CSMD1: variants seen among roughly 807,000 people sequenced by gnomAD.
CSMD1 encodes the protein CUB and Sushi multiple domains 1.
In CSMD1, 213 loss-of-function variants were observed where a neutral mutation model predicts 417.5. That is an observed-to-expected ratio of 0.51 (90% confidence interval 0.46 to 0.57). The LOEUF is 0.57. Ranked by LOEUF, CSMD1 falls within the 20% of genes least tolerant of loss-of-function variation. CSMD1 has a pLI of 0.00. For synonymous variants in CSMD1, 2,862 were observed against 1,736.8 expected, an observed-to-expected ratio of 1.65 and a Z score of -16.11; for missense variants, 6,923 against 4,529.7, an observed-to-expected ratio of 1.53 and a Z score of -15.17.
At chr8:3,339,590 T>C (rs117441604) in intron 23 of CSMD1, among the ~76,000 whole-genome samples, 1 of 152,322 alleles carries the variant, frequency 6.6e-6, no homozygotes, top group South Asian at 2.1e-4. Context: ...CCGGAAACCC[T>C]ATGTCAATAT....
chr8:3,442,294 T>C (rs1197433036), intron 12 of CSMD1, among the ~76,000 whole-genome samples: 2 of 152,142 alleles, frequency 1.3e-5, no homozygotes, highest in African/African-American at 4.8e-5. Context: ...GTAGCCTAAG[T>C]TCACAGTGTT....
Position 3,046,797 on chromosome 8 carries a change from T to C in CSMD1, c.7660+5665A>G, listed in dbSNP as rs545047966. ...CATCTGTGTGCTCACATATGGCAAATTCTTTGATACCTCAAGTTATTTTCT... is the reference window on the plus strand; with the variant it reads ...CATCTGTGTGCTCACATATGGCAAACTCTTTGATACCTCAAGTTATTTTCT... On this transcript the variant is annotated intron_variant, in intron 50 of 69. Coordinates refer to ENST00000635120, the MANE Select transcript of CSMD1 (RefSeq NM_033225.6). Among the ~76,000 whole-genome samples the C allele has an allele frequency of 3.3e-4, 51 of 152,350 alleles. 1 individual carries two copies. Among genetic ancestry groups the C allele is most frequent in the African/African-American group, 1.1e-3 (46 of 41,586 alleles).
chr8:3,898,029 G>A (rs1215930542), intron 5 of CSMD1, among the ~76,000 whole-genome samples: 1 of 152,172 alleles, frequency 6.6e-6, no homozygotes, highest in African/African-American at 2.4e-5. Context: ...GTTTGACAAT[G>A]CTATTCTTAC....
intron 3 of CSMD1, among the ~76,000 whole-genome samples, chr8:4,163,096 C>G (rs1487874683): frequency 6.6e-6 from 1 of 152,146 alleles, no homozygotes; most frequent in Non-Finnish European, 1.5e-5. Context: ...GAATAATATT[C>G]CATTGTCTGA....
At chr8:4,115,908 T>C (rs1281630248) in intron 3 of CSMD1, among the ~76,000 whole-genome samples, 1 of 152,058 alleles carries the variant, frequency 6.6e-6, no homozygotes. Context: ...AGATCAGTGG[T>C]TGCCAGTGAC....
At chr8:4,619,314 C>A (rs1209110667) in intron 2 of CSMD1, among the ~76,000 whole-genome samples, 2 of 152,142 alleles carry the variant, frequency 1.3e-5, no homozygotes, top group Non-Finnish European at 2.9e-5. Context: ...TAGCCTTCTC[C>A]AAATAAACAT....
chr8:3,503,107 C>A (rs1796676592), intron 10 of CSMD1, among the ~76,000 whole-genome samples: 1 of 152,066 alleles, frequency 6.6e-6, no homozygotes, highest in South Asian at 2.1e-4. Context: ...TATCTGTATG[C>A]AACACATACC....
intron 18 of CSMD1, among the ~76,000 whole-genome samples, chr8:3,385,083 T>G (rs552960415): frequency 3.3e-3 from 345 of 105,678 alleles, no homozygotes; most frequent in Non-Finnish European, 4.9e-3. Context: ...TATATATAAT[T>G]TATATATAAA....
intron 5 of CSMD1, among the ~76,000 whole-genome samples, chr8:3,908,368 T>C (rs1458115383): frequency 1.3e-5 from 2 of 152,234 alleles, no homozygotes; most frequent in Non-Finnish European, 2.9e-5. Flanking sequence ...TCATTATGGA[T>C]ACATTTTCCC....
intron 26 of CSMD1, chr8:3,278,622 C>CAACACAAT (rs1214857710): frequency 1.3e-5 from 2 of 151,128 alleles, no homozygotes; most frequent in Non-Finnish European, 2.9e-5. Context: ...TTATGAATCA[C>CAACACAAT]AACACAATCT....
chr8:3,600,375 C>G (rs536379389), intron 8 of CSMD1, among the ~76,000 whole-genome samples: 1 of 152,108 alleles, frequency 6.6e-6, no homozygotes, highest in Non-Finnish European at 1.5e-5. Flanking sequence ...GATAAACCAT[C>G]TAACTAGCTA....
At chr8:3,525,253 G>A (rs553907609) in intron 10 of CSMD1, among the ~76,000 whole-genome samples, 3 of 152,046 alleles carry the variant, frequency 2.0e-5, no homozygotes. Context: ...TGGAACTGAG[G>A]GTCCTTAAAA....
chr8:4,854,332 C>A (rs1006277918), intron 1 of CSMD1, among the ~76,000 whole-genome samples: 7 of 152,140 alleles, frequency 4.6e-5, no homozygotes, highest in Admixed American at 1.3e-4. Flanking sequence ...TCATAAATGG[C>A]TTCCTGCTGT....
chr8:4,838,462 G>C (rs10100080), intron 1 of CSMD1, among the ~76,000 whole-genome samples: 76,936 of 151,780 alleles, frequency 0.51, 19,893 homozygotes, highest in East Asian at 0.69. Flanking sequence ...ACAAGAAACT[G>C]CCCTGATGAA....
At chr8:3,693,692 C>T (rs1047606619) in intron 7 of CSMD1, among the ~76,000 whole-genome samples, 3 of 151,932 alleles carry the variant, frequency 2.0e-5, no homozygotes, top group Non-Finnish European at 2.9e-5. Flanking sequence ...AAAAATGAAA[C>T]AGAACGGGAA....
intron 3 of CSMD1, among the ~76,000 whole-genome samples, chr8:4,297,709 T>C (rs2128871315): frequency 6.6e-6 from 1 of 152,294 alleles, no homozygotes; most frequent in South Asian, 2.1e-4. Context: ...CCATCGGTGA[T>C]CGCCTCTGTG....
At chr8:4,696,217 C>T (rs1050286933) in intron 1 of CSMD1, among the ~76,000 whole-genome samples, 1 of 152,270 alleles carries the variant, frequency 6.6e-6, no homozygotes, top group Non-Finnish European at 1.5e-5. Context: ...TATTTTCAGT[C>T]TATGGACATG....
chr8:4,803,546 A>G (rs1349652363), intron 1 of CSMD1, among the ~76,000 whole-genome samples: 2 of 152,140 alleles, frequency 1.3e-5, no homozygotes, highest in Admixed American at 6.5e-5. Flanking sequence ...TTGACTGTAA[A>G]TCTCAGCTGT....
chr8:4,069,655 T>C (rs1167811088), intron 3 of CSMD1, among the ~76,000 whole-genome samples: 4 of 152,168 alleles, frequency 2.6e-5, no homozygotes, highest in Admixed American at 2.0e-4. Context: ...TCCTGGGCCA[T>C]GGCTCCTGTT....
Sources: allele counts gnomAD v4.1 joint callset (sites outside exome capture counted in the v4.1 genomes callset), GRCh38; gene constraint gnomAD v4.1.1; transcripts MANE v1.5; gene names NCBI Gene and HGNC (gene_info 2026-07-23, HGNC 2026-07-21).